Variants in ARHGAP24 observed in about 807,000 individuals in gnomAD.
ARHGAP24 encodes the protein rho GTPase-activating protein 24.
In ARHGAP24, 50 loss-of-function variants were observed where a neutral mutation model predicts 76.4. The observed-to-expected ratio is 0.65, with a 90% CI of 0.52 to 0.83. ARHGAP24 has a LOEUF of 0.83. Among genes scored for constraint, ARHGAP24 ranks in the 40% least tolerant of loss-of-function variants. ARHGAP24 has a pLI of 0.00. For missense variants in ARHGAP24, 930 were observed against 914.2 expected (o/e 1.02, Z -0.22); for synonymous variants, 345 against 323.3 (o/e 1.07, Z -0.72).
At chr4:85,662,420 C>T (rs1490249518) in intron 2 of ARHGAP24, among the ~76,000 whole-genome samples, 2 of 150,732 alleles carry the variant, frequency 1.3e-5, no homozygotes, top group African/African-American at 5.0e-5. Context: ...GATATTATCC[C>T]TTTGTCAGAT....
intron 3 of ARHGAP24, among the ~76,000 whole-genome samples, chr4:85,752,423 A>C (rs1726298530): frequency 6.6e-6 from 1 of 151,986 alleles, no homozygotes; most frequent in East Asian, 1.9e-4. Flanking sequence ...CATCAGTGTG[A>C]GTTATCTTTG....
chr4:85,872,435 T>C (rs1732585966), intron 3 of ARHGAP24, among the ~76,000 whole-genome samples: 2 of 151,838 alleles, frequency 1.3e-5, no homozygotes, highest in Non-Finnish European at 2.9e-5. Flanking sequence ...TAACTGGGAT[T>C]ACAGGCGTCC....
chr4:85,707,907 A>G (rs1300434690), intron 2 of ARHGAP24, among the ~76,000 whole-genome samples: 1 of 152,138 alleles, frequency 6.6e-6, no homozygotes, highest in Non-Finnish European at 1.5e-5. Flanking sequence ...TTTCTTTTTT[A>G]GAAGAAAAAG....
At chr4:85,791,631 T>A (rs760665700) in intron 3 of ARHGAP24, among the ~76,000 whole-genome samples, 2 of 152,094 alleles carry the variant, frequency 1.3e-5, no homozygotes, top group Non-Finnish European at 2.9e-5. Context: ...ATGATTGGGG[T>A]CATCGTGTGC....
At chr4:85,506,220 A>T (rs1724042286) in intron 1 of ARHGAP24, among the ~76,000 whole-genome samples, 1 of 152,178 alleles carries the variant, frequency 6.6e-6, no homozygotes. Flanking sequence ...TTGAGGAGGC[A>T]GCGTGTCTGT....
chr4:85,551,713 G>A (rs979286968), intron 1 of ARHGAP24, among the ~76,000 whole-genome samples: 3 of 152,046 alleles, frequency 2.0e-5, no homozygotes, highest in Admixed American at 1.3e-4. Flanking sequence ...CTCATTATTG[G>A]TCTGTTCAGG....
chr4:85,766,917 T>C (rs562567562), intron 3 of ARHGAP24, among the ~76,000 whole-genome samples: 1 of 152,314 alleles, frequency 6.6e-6, no homozygotes, highest in Non-Finnish European at 1.5e-5. Context: ...TATATGATAC[T>C]GTTCCCATAA....
intron 1 of ARHGAP24, among the ~76,000 whole-genome samples, chr4:85,539,854 C>A (rs1236157246): frequency 6.6e-6 from 1 of 151,910 alleles, no homozygotes; most frequent in Non-Finnish European, 1.5e-5. Context: ...CAGGAGTTTG[C>A]GACCAGCCTG....
chr4:85,874,802 TAAAATATATTTATATATAATTTATATATA>T (rs1560687975), intron 3 of ARHGAP24, among the ~76,000 whole-genome samples: 555 of 11,002 alleles, frequency 0.05, 53 homozygotes, highest in African/African-American at 0.1. Context: ...AATTTATATA[TAAAATATATTTATATATAATTTATATATA>T]AAATATATTT....
intron 3 of ARHGAP24, among the ~76,000 whole-genome samples, chr4:85,822,356 G>A (rs1578261924): frequency 1.3e-5 from 2 of 152,210 alleles, no homozygotes; most frequent in East Asian, 3.9e-4. Flanking sequence ...TTGTGCTGAA[G>A]ACTCTGTTCC....
chr4:85,957,300 A>G (rs747070345), intron 5 of ARHGAP24, among the ~76,000 whole-genome samples: 1 of 152,182 alleles, frequency 6.6e-6, no homozygotes, highest in East Asian at 1.9e-4. Flanking sequence ...GGGAATTTAT[A>G]TATTATTGCT....
At chr4:85,965,402 G>A (rs1738532010) in intron 5 of ARHGAP24, among the ~76,000 whole-genome samples, 3 of 152,126 alleles carry the variant, frequency 2.0e-5, no homozygotes, top group South Asian at 4.1e-4. Flanking sequence ...TACAAGATGA[G>A]ATTTGAGTGG....
At chr4:85,571,139 A>G (rs1278635517) in intron 2 of ARHGAP24, among the ~76,000 whole-genome samples, 1 of 152,230 alleles carries the variant, frequency 6.6e-6, no homozygotes, top group East Asian at 1.9e-4. Flanking sequence ...TTCAGTATCA[A>G]TTCTCAGAGG....
At chr4:85,625,550 T>C (rs971194060) in intron 2 of ARHGAP24, among the ~76,000 whole-genome samples, 2 of 152,192 alleles carry the variant, frequency 1.3e-5, no homozygotes, top group Non-Finnish European at 2.9e-5. Flanking sequence ...TATATTCTGT[T>C]GATTTAGGGT....
chr4:85,763,691 C>G (rs1410800903), intron 3 of ARHGAP24, among the ~76,000 whole-genome samples: 1 of 152,010 alleles, frequency 6.6e-6, no homozygotes, highest in African/African-American at 2.4e-5. Flanking sequence ...CAAAATATTA[C>G]TAGTAATTCA....
intron 3 of ARHGAP24, among the ~76,000 whole-genome samples, chr4:85,918,973 C>CT (rs1735569042): frequency 6.6e-6 from 1 of 152,040 alleles, no homozygotes; most frequent in African/African-American, 2.4e-5. Flanking sequence ...TTAAAGATTA[C>CT]AACTGCATAA....
intron 3 of ARHGAP24, among the ~76,000 whole-genome samples, chr4:85,920,625 A>G (rs1372376128): frequency 6.6e-6 from 1 of 152,176 alleles, no homozygotes; most frequent in Non-Finnish European, 1.5e-5. Context: ...TTTTGCATGC[A>G]TCTGACAAAG....
At chr4:85,536,353 T>G (rs1376164435) in intron 1 of ARHGAP24, among the ~76,000 whole-genome samples, 4 of 152,202 alleles carry the variant, frequency 2.6e-5, no homozygotes, top group Non-Finnish European at 5.9e-5. Flanking sequence ...CCTTGTTTGC[T>G]TCTCAGTTAT....
intron 1 of ARHGAP24, among the ~76,000 whole-genome samples, chr4:85,514,126 G>A (rs1724393146): frequency 6.6e-6 from 1 of 151,864 alleles, no homozygotes; most frequent in African/African-American, 2.4e-5. Context: ...TTTTAGTGTA[G>A]CCTGGGAGCT....
Sources: allele counts gnomAD v4.1 joint callset (sites outside exome capture counted in the v4.1 genomes callset), GRCh38; gene constraint gnomAD v4.1.1; transcripts MANE v1.5; gene names NCBI Gene and HGNC (gene_info 2026-07-23, HGNC 2026-07-21).